Variants in TSNARE1 observed in about 807,000 individuals in gnomAD.
TSNARE1 encodes t-SNARE domain-containing protein 1.
Under a neutral mutation model 62.0 loss-of-function variants are expected in TSNARE1, and 49 were observed. The ratio of observed to expected loss-of-function variants is 0.79; its 90% confidence interval spans 0.63 to 1.00. The LOEUF (loss-of-function observed/expected upper bound fraction) is 1.00. TSNARE1 is among the 50% of genes least tolerant of loss of function. TSNARE1 has a pLI of 0.00. For synonymous variants in TSNARE1, 328 were observed against 294.4 expected (o/e 1.11, Z -1.17); for missense variants, 755 against 700.1 (o/e 1.08, Z -0.88).
intron 6 of TSNARE1, among the ~76,000 whole-genome samples, chr8:142,330,434 G>A (rs902489534): frequency 8.5e-5 from 13 of 152,344 alleles, no homozygotes; most frequent in African/African-American, 2.2e-4. Context: ...TCAACTCCCC[G>A]AAAGGGCAGA....
At chr8:142,328,829 A>G (rs74867731) in intron 6 of TSNARE1, among the ~76,000 whole-genome samples, 5,862 of 28,884 alleles carry the variant, frequency 0.2, 549 homozygotes, top group African/African-American at 0.45. Context: ...GGGGGGGGGG[A>G]GGGTTCCGCA....
intron 12 of TSNARE1, among the ~76,000 whole-genome samples, chr8:142,264,929 C>T (rs1038352799): frequency 1.3e-5 from 2 of 152,134 alleles, no homozygotes; most frequent in Admixed American, 6.5e-5. Context: ...TGTGTTCTCG[C>T]CCTGTCCTGC....
chr8:142,325,758 G>A (rs985391693), intron 6 of TSNARE1, among the ~76,000 whole-genome samples: 3 of 152,236 alleles, frequency 2.0e-5, no homozygotes, highest in Non-Finnish European at 2.9e-5. Flanking sequence ...AGGGAGGGGA[G>A]GAGGTCAGAG....
chr8:142,338,807 C>T (rs554226648), intron 4 of TSNARE1, among the ~76,000 whole-genome samples: 2 of 152,324 alleles, frequency 1.3e-5, no homozygotes, highest in South Asian at 4.1e-4. Flanking sequence ...AACCCCGTCC[C>T]ACGGCTGCAG....
chr8:142,397,065 G>T (rs565990487), intron 1 of TSNARE1, among the ~76,000 whole-genome samples: 178 of 140,038 alleles, frequency 1.3e-3, no homozygotes, highest in African/African-American at 4.6e-3. Context: ...CAGCCCGAGG[G>T]TCTCACAGGA....
chr8:142,251,099 C>T (rs574002177), intron 12 of TSNARE1, among the ~76,000 whole-genome samples: 279 of 152,254 alleles, frequency 1.8e-3, no homozygotes, highest in Middle Eastern at 0.014. Flanking sequence ...ATTTAAAAGA[C>T]GAAAATGCTG....
At chr8:142,383,038 C>G (rs1836880397) in intron 1 of TSNARE1, among the ~76,000 whole-genome samples, 1 of 152,092 alleles carries the variant, frequency 6.6e-6, no homozygotes, top group South Asian at 2.1e-4. Flanking sequence ...GGGACCCTCT[C>G]TGGAGAAGGG....
Position 142,343,951 on chromosome 8 carries a change from G to C in TSNARE1, c.745+15C>G. On this transcript the variant is annotated intron_variant, in intron 4 of 13. Coordinates refer to ENST00000524325, the MANE Select transcript of TSNARE1 (RefSeq NM_145003.5). ...GAGTGGCACCCTAGCAAGGTGAGCT[G>C]AGCAAGGAACTCACCTCTGGGCGGC... 6.6e-7 allele frequency: 1 copy of C among 1,510,300 alleles called. No homozygotes were observed. The highest frequency in any genetic ancestry group is 8.9e-7 in the Non-Finnish European group (1 of 1,129,632). The allele number at this position is 1,510,300 out of a possible 1,614,324, so 93.6% of individuals were successfully genotyped here.
Position 142,344,057 on chromosome 8 carries a change from G to C in TSNARE1, c.654C>G (p.Ala218=), listed in dbSNP as rs1833005441. 2 of 1,599,712 alleles carry C rather than the reference G, an allele frequency of 1.3e-6. No individual in the cohort carries two copies. Among genetic ancestry groups the C allele is most frequent in the Admixed American group, 1.7e-5 (1 of 59,296 alleles). The part of the protein sequence containing the change: ...GPSPGSGKPQ[A]LALTPVEQVV... ...CCTGCTCCACGGGCGTGAGAGCCAG[G>C]GCCTGGGGCTTGCCGGAACCAGGGC... The change falls in exon 4 of 14, where the codon GCC becomes GCG. Residue 218 remains alanine (A), a synonymous_variant. Coordinates refer to ENST00000524325, the MANE Select transcript of TSNARE1 (RefSeq NM_145003.5).
chr8:142,223,197 C>CAT (rs1816549451), intron 13 of TSNARE1, among the ~76,000 whole-genome samples: 1 of 97,764 alleles, frequency 1.0e-5, no homozygotes, highest in African/African-American at 3.9e-5. Context: ...CACTCGTTCA[C>CAT]TCACTCATAC....
chr8:142,316,673 A>G (rs1227076720), intron 7 of TSNARE1, among the ~76,000 whole-genome samples: 1 of 151,650 alleles, frequency 6.6e-6, no homozygotes, highest in Non-Finnish European at 1.5e-5. Flanking sequence ...CCTGCTCCCA[A>G]CCCTGACAAC....
chr8:142,266,747 C>T (rs1386745373), intron 12 of TSNARE1, among the ~76,000 whole-genome samples: 1 of 152,182 alleles, frequency 6.6e-6, no homozygotes, highest in Non-Finnish European at 1.5e-5. Context: ...CACATCACAT[C>T]AACGACCTCT....
At chr8:142,406,511 A>G (rs1838586307), upstream of TSNARE1, 1 of 152,268 alleles carries the variant, frequency 6.6e-6, no homozygotes, top group Non-Finnish European at 1.5e-5. Context: ...CGCGGGAGCC[A>G]CACTCTCAGG....
At chr8:142,221,181 G>A (rs750444695) in intron 13 of TSNARE1, among the ~76,000 whole-genome samples, 4 of 152,162 alleles carry the variant, frequency 2.6e-5, no homozygotes, top group East Asian at 1.9e-4. Flanking sequence ...TCTTTGTGGC[G>A]CTGTGGCGAG....
chr8:142,278,652 T>G (rs961344403), intron 11 of TSNARE1: 1 of 985,266 alleles, frequency 1.0e-6, no homozygotes, highest in Admixed American at 6.2e-5. Flanking sequence ...TTGGAGCCAG[T>G]GGCAGCTGCG....
Position 142,253,105 on chromosome 8 carries a change from C to T in TSNARE1, c.1446+21676G>A, listed in dbSNP as rs138599090. Among the ~76,000 whole-genome samples the T allele has an allele frequency of 4.0e-3, 616 of 152,322 alleles. 2 individuals are homozygous for T. Among genetic ancestry groups the T allele is most frequent in the Middle Eastern group, 6.8e-3 (2 of 294 alleles). ...CGGGTGCAGTATCTGGGATAGAGAC[C>T]GGACGGGCAGCCTGGCAAGGAGACT... On this transcript the variant is annotated intron_variant, in intron 12 of 13. Transcript: ENST00000524325.
chr8:142,234,970 G>A (rs1006348754), intron 12 of TSNARE1, among the ~76,000 whole-genome samples: 2 of 152,018 alleles, frequency 1.3e-5, no homozygotes, highest in Admixed American at 1.3e-4. Context: ...GAAAACTAGG[G>A]ACCCCAGATG....
intron 12 of TSNARE1, among the ~76,000 whole-genome samples, chr8:142,252,128 G>A (rs35538023): frequency 1.3e-5 from 2 of 150,806 alleles, no homozygotes; most frequent in Admixed American, 6.6e-5. Context: ...TGTACCCGCC[G>A]CCCGCGTTCT....
At chr8:142,225,484 A>C (rs1301047042) in intron 13 of TSNARE1, among the ~76,000 whole-genome samples, 1 of 146,972 alleles carries the variant, frequency 6.8e-6, no homozygotes, top group Non-Finnish European at 1.5e-5. Flanking sequence ...TTAACTGTCC[A>C]TTTCCATCTA....
Sources: allele counts gnomAD v4.1 joint callset (sites outside exome capture counted in the v4.1 genomes callset), GRCh38; gene constraint gnomAD v4.1.1; transcripts MANE v1.5; gene names NCBI Gene and HGNC (gene_info 2026-07-23, HGNC 2026-07-21).